Variants in CLTCL1 observed in about 807,000 individuals in gnomAD.
The protein encoded by CLTCL1 is clathrin heavy chain like 1.
Under a neutral mutation model 190.0 loss-of-function variants are expected in CLTCL1, and 159 were observed. That is an observed-to-expected ratio of 0.84 (90% CI 0.74 to 0.95). The LOEUF (loss-of-function observed/expected upper bound fraction) is 0.95, where lower values mean the gene tolerates loss of function less well. CLTCL1 is among the 40% of genes least tolerant of loss of function. The pLI, the probability that CLTCL1 is intolerant of heterozygous loss-of-function variation, is 0.00. For missense variants in CLTCL1, 1,878 were observed against 2,033.4 expected, an observed-to-expected ratio of 0.92 and a Z score of 1.47; for synonymous variants, 752 against 769.6, an observed-to-expected ratio of 0.98 and a Z score of 0.38.
chr22:19,291,206 G>A (rs782797642), intron 1 of CLTCL1, among the ~76,000 whole-genome samples: 1 of 152,238 alleles, frequency 6.6e-6, no homozygotes, highest in Non-Finnish European at 1.5e-5. Context: ...CGATCACAGA[G>A]GCAAACTCAG....
At chr22:19,258,051 T>C (rs807432) in intron 2 of CLTCL1, 36,427 of 463,114 alleles carry the variant, frequency 0.079, 1,671 homozygotes, top group Middle Eastern at 0.14. Context: ...ATGCACCAGT[T>C]TGTGAGGAGC....
At chr22:19,202,277 CAG>C (rs1465642648) in intron 22 of CLTCL1, among the ~76,000 whole-genome samples, 5 of 152,196 alleles carry the variant, frequency 3.3e-5, no homozygotes, top group African/African-American at 1.2e-4. Flanking sequence ...GAGCTAAACA[CAG>C]ACAGCAGAAC....
Position 19,235,701 on chromosome 22 carries a change from C to G in CLTCL1, c.964G>C (p.Gly322Arg). Residue 322 changes from glycine (G) to arginine (R), a missense_variant, in exon 6 of 33, where the codon GGA (glycine) becomes CGA (arginine). Transcript: ENST00000427926. Reference sequence around the variant, plus strand: ...GAAATGTCAGAGTTACACACCTGTCCCTTTTTGTTGACACCAATAATTCCA... The same window carrying G: ...GAAATGTCAGAGTTACACACCTGTCGCTTTTTGTTGACACCAATAATTCCA... ...TSGIIGVNKK[G>R]QVLSVCVEED... 6.2e-7 allele frequency: 1 copy of G among 1,612,444 alleles called. No individual in the cohort carries two copies. The highest frequency in any genetic ancestry group is 2.2e-5 in the East Asian group (1 of 44,856).
chr22:19,223,217 T>C (rs2073755), intron 14 of CLTCL1, among the ~76,000 whole-genome samples: 11,899 of 152,064 alleles, frequency 0.078, 598 homozygotes, highest in East Asian at 0.15. Flanking sequence ...TGATGGCACT[T>C]GGGTAGGACA....
At chr22:19,180,363 C>T (rs2084090660) in intron 31 of CLTCL1, 125 bp from the exon 32 acceptor site, 1 of 1,037,990 alleles carries the variant, frequency 9.6e-7, no homozygotes, top group Non-Finnish European at 1.5e-6. Flanking sequence ...TGTCCAAGCA[C>T]CCCACAGCCT....
At chr22:19,240,464 G>T (rs146218108) in intron 4 of CLTCL1, among the ~76,000 whole-genome samples, 228 of 152,180 alleles carry the variant, frequency 1.5e-3, no homozygotes, top group Middle Eastern at 3.4e-3. Flanking sequence ...AAGGGGCTCA[G>T]ATAAGGAGGG....
intron 2 of CLTCL1, among the ~76,000 whole-genome samples, chr22:19,270,860 C>T (rs2793060): frequency 6.6e-6 from 1 of 151,194 alleles, no homozygotes; most frequent in Non-Finnish European, 1.5e-5. Context: ...GATGGGGGTA[C>T]CTTTTAGTGT....
At chr22:19,210,075 A>G (rs1391379935) in intron 20 of CLTCL1, among the ~76,000 whole-genome samples, 1 of 152,128 alleles carries the variant, frequency 6.6e-6, no homozygotes, top group Non-Finnish European at 1.5e-5. Flanking sequence ...ACCCAAGTCC[A>G]AGGGAGTGCT....
rs782793738 is a variant in CLTCL1, at chr22:19,196,442, G to A, written c.4042-27C>T. 1.5e-5 allele frequency: 24 copies of A among 1,613,792 alleles called. No homozygotes were observed. In the African/African-American group the frequency reaches 2.1e-4, roughly 14 times the overall value. On this transcript the variant is annotated intron_variant, in intron 25 of 32. Coordinates refer to ENST00000427926, the MANE Select transcript of CLTCL1 (RefSeq NM_007098.4). ...TGGACAAGGAGGTCAGGGTCGGCTT[G>A]TGCTGCACGTGGCCACGGCTGCCAG... is the stretch of plus-strand genomic sequence containing the variant.
intron 2 of CLTCL1, among the ~76,000 whole-genome samples, chr22:19,256,161 TC>T (rs2086741334): frequency 6.6e-6 from 1 of 151,750 alleles, no homozygotes; most frequent in South Asian, 2.1e-4. Flanking sequence ...CTTCTTTCTT[TC>T]TTTCTTTTTA....
chr22:19,182,657 A>G (rs1236622231), intron 30 of CLTCL1: 1 of 152,004 alleles, frequency 6.6e-6, no homozygotes, highest in Non-Finnish European at 1.5e-5. Context: ...CCCTCGCTCC[A>G]CTGAGTGATG....
chr22:19,264,062 A>G lies in CLTCL1; in HGVS notation c.251-9835T>C, dbSNP rs934731157. 2.9e-4 allele frequency among the ~76,000 whole-genome samples: 44 copies of G among 152,276 alleles called. 1 individual carries two copies. Among genetic ancestry groups the G allele is most frequent in the Middle Eastern group, 3.4e-3 (1 of 294 alleles). ...GTAATCCTAGCGCTTTGGGAAGCTG[A>G]GACGGGATGATCATGTGAGGCCAAG... is the stretch of plus-strand genomic sequence containing the variant. On this transcript the variant is annotated intron_variant, in intron 2 of 32. Transcript: ENST00000427926.
At chr22:19,250,561 T>A (rs76443197) in intron 3 of CLTCL1, among the ~76,000 whole-genome samples, 211 of 150,856 alleles carry the variant, frequency 1.4e-3, no homozygotes, top group Middle Eastern at 3.5e-3. Context: ...TTAACTTTTT[T>A]AATTTTTTTT....
chr22:19,180,896 G>T, intron 30 of CLTCL1, 90 bp from the exon 31 acceptor site: 1 of 1,095,792 alleles, frequency 9.1e-7, no homozygotes, highest in Non-Finnish European at 1.4e-6. Context: ...AGGACACAGG[G>T]CCTCCAGGAG....
intron 31 of CLTCL1, 37 bp from the exon 32 acceptor site, chr22:19,180,275 ACACT>A (rs782001690): frequency 3.4e-5 from 55 of 1,612,898 alleles, no homozygotes; most frequent in South Asian, 7.7e-5. Context: ...GTGGAAGGAC[ACACT>A]CAGCCGGACG....
chr22:19,258,641 G>T, intron 2 of CLTCL1: 1 of 635,206 alleles, frequency 1.6e-6, no homozygotes, highest in South Asian at 1.5e-5. Context: ...TGGAGGCTGA[G>T]ATCACCACCT....
rs146198087 is a variant in CLTCL1 at position 19,278,003 on chromosome 22, G to A, written c.43-2173C>T. ...TGGCTAACAGAACTCAAGGAAACAC[G>A]TTTCTCATTTATTACAAGGGATATT... On this transcript the variant is annotated intron_variant, in intron 1 of 32. Coordinates refer to ENST00000427926, the MANE Select transcript of CLTCL1 (RefSeq NM_007098.4). 6.3e-3 allele frequency among the ~76,000 whole-genome samples: 952 copies of A among 152,226 alleles called. 12 individuals are homozygous for A. Among genetic ancestry groups the A allele is most frequent in the African/African-American group, 0.021 (855 of 41,530 alleles).
chr22:19,198,983 A>G lies in CLTCL1; in HGVS notation c.3873+751T>C, dbSNP rs1555937454. On this transcript the variant is annotated intron_variant, in intron 24 of 32. Transcript: ENST00000427926. This position sits in a 1 kb window ranked among gnomAD's most constrained non-coding sequence, Gnocchi z 4.1. ...GGCGCCTCTCTGGGGGTGGGAAAGC[A>G]TTTCTCATTGAAAAGCCATCACACC... is the stretch of plus-strand genomic sequence containing the variant. 6.6e-6 allele frequency among the ~76,000 whole-genome samples: 1 copy of G among 152,100 alleles called. No homozygotes were observed. Among genetic ancestry groups the G allele is most frequent in the Non-Finnish European group, 1.5e-5 (1 of 68,026 alleles).
chr22:19,219,845 A>C lies in CLTCL1; in HGVS notation c.2919+40T>G, dbSNP rs186937870. 3 of 1,609,214 alleles carry C rather than the reference A, an allele frequency of 1.9e-6. No homozygotes were observed. The African/African-American group carries it at 4.0e-5, about 22-fold the overall frequency. On this transcript the variant is annotated intron_variant, in intron 18 of 32. Coordinates refer to ENST00000427926, the MANE Select transcript of CLTCL1 (RefSeq NM_007098.4). ...TGAGCCACAATGATGATCGGACGGC[A>C]AAATGCAGGTGTGCAGACATACCCA...
Sources: allele counts gnomAD v4.1 joint callset (sites outside exome capture counted in the v4.1 genomes callset), GRCh38; gene constraint gnomAD v4.1.1; non-coding constraint Gnocchi (gnomAD v3.1); transcripts MANE v1.5; gene names NCBI Gene and HGNC (gene_info 2026-07-23, HGNC 2026-07-21).